DFFA: variants seen among roughly 807,000 people sequenced by gnomAD.
The protein encoded by DFFA is DNA fragmentation factor subunit alpha, also known as DFF45.
In DFFA, 14 loss-of-function variants were observed where a neutral mutation model predicts 28.0. That is an observed-to-expected ratio of 0.50 (90% confidence interval 0.33 to 0.78). The LOEUF is 0.78. Among genes scored for constraint, DFFA ranks in the 30% least tolerant of loss-of-function variants. The pLI, the probability that DFFA is intolerant of heterozygous loss-of-function variation, is 0.02. For synonymous variants in DFFA, 158 were observed against 170.3 expected (o/e 0.93, Z 0.56); for missense variants, 395 against 407.1 (o/e 0.97, Z 0.26).
In DFFA at chr1:10,458,679, C is replaced by CA. The variant is rs1640890040; in HGVS notation, c.*2810dup. On this transcript the variant is annotated 3_prime_UTR_variant, in exon 6 of 6. Transcript: ENST00000377038. ...TCAGCCTCCTGAGTAGCTGGGATTA[C>CA]AGGTGCCCACCATCACGCCTGGCTA... 1 of 151,894 alleles carries CA rather than the reference C, an allele frequency of 6.6e-6. No individual in the cohort carries two copies. Among genetic ancestry groups the CA allele is most frequent in the Non-Finnish European group, 1.5e-5 (1 of 68,024 alleles). 9.4% of individuals were successfully genotyped at this position (151,894 alleles called of 1,614,324 possible).
chr1:10,457,604 G>A lies in DFFA; in HGVS notation c.*3886C>T, dbSNP rs2124332694. ...GAGGCAAGAGAATCGCCTGAACCTG[G>A]GAGATGGAGGTTGCAGTGAGCAGAG... is the stretch of plus-strand genomic sequence containing the variant. On this transcript the variant is annotated 3_prime_UTR_variant, in exon 6 of 6. Coordinates refer to ENST00000377038, the MANE Select transcript of DFFA (RefSeq NM_004401.3). 1 of 152,306 alleles carries A rather than the reference G, an allele frequency of 6.6e-6. No homozygotes were observed. Among genetic ancestry groups the A allele is most frequent in the Middle Eastern group, 3.4e-3 (1 of 294 alleles). 9.4% of individuals were successfully genotyped at this position (152,306 alleles called of 1,614,324 possible).
intron 4 of DFFA, 55 bp downstream of exon 4, chr1:10,463,376 G>A (rs1246338622): frequency 6.4e-7 from 1 of 1,566,922 alleles, no homozygotes; most frequent in South Asian, 1.2e-5. Context: ...CCTCCCAAGG[G>A]ACGCCTCCAT....
intron 4 of DFFA, 36 bp downstream of exon 4, chr1:10,463,395 A>C: frequency 1.3e-6 from 2 of 1,583,770 alleles, no homozygotes; most frequent in Non-Finnish European, 1.7e-6. Flanking sequence ...ATCAGCCCTG[A>C]ATTCTCAGAG....
rs1417155658 is a variant in DFFA, at chr1:10,458,561, CAG to C, written c.*2927_*2928del. ...TTTCTTTTTTTTTTTTTTTTAAAGA[CAG>C]AGTCTCATTCTGTCACCCAGGCTGG... is the stretch of plus-strand genomic sequence containing the variant. On this transcript the variant is annotated 3_prime_UTR_variant, in exon 6 of 6. Transcript: ENST00000377038. 1.7e-5 allele frequency: 2 copies of C among 115,942 alleles called. No individual in the cohort carries two copies. Among genetic ancestry groups the C allele is most frequent in the African/African-American group, 3.3e-5 (1 of 30,366 alleles). 7.2% of individuals were successfully genotyped at this position (115,942 alleles called of 1,614,324 possible).
At chr1:10,464,284 G>T (rs1640992625) in intron 3 of DFFA, among the ~76,000 whole-genome samples, 1 of 151,632 alleles carries the variant, frequency 6.6e-6, no homozygotes, top group Non-Finnish European at 1.5e-5. Context: ...AGTAGAGACG[G>T]GGTTTCACCG....
chr1:10,466,363 G>A (rs754657773), intron 3 of DFFA, among the ~76,000 whole-genome samples: 38 of 151,918 alleles, frequency 2.5e-4, no homozygotes, highest in Middle Eastern at 3.4e-3. Context: ...CTAATTTTTT[G>A]TATTTTTAGT....
intron 2 of DFFA, among the ~76,000 whole-genome samples, chr1:10,468,806 T>G (rs1641055054): frequency 6.6e-6 from 1 of 151,558 alleles, no homozygotes; most frequent in South Asian, 2.1e-4. Flanking sequence ...TGGCACAATC[T>G]CAGCTCACTG....
In DFFA at chr1:10,459,862, G is replaced by A. The variant is rs1640903110; in HGVS notation, c.*1628C>T. ...CCAGAGTAGCTAGGATTATAGGTCAGTGCCACCATGCCTGGCTAACTTAAA... is the reference window on the plus strand; with the variant it reads ...CCAGAGTAGCTAGGATTATAGGTCAATGCCACCATGCCTGGCTAACTTAAA... On this transcript the variant is annotated 3_prime_UTR_variant, in exon 6 of 6. Transcript: ENST00000377038. 6.6e-6 allele frequency: 1 copy of A among 152,004 alleles called. No homozygotes were observed. Among genetic ancestry groups the A allele is most frequent in the African/African-American group, 2.4e-5 (1 of 41,408 alleles). 9.4% of individuals were successfully genotyped at this position (152,004 alleles called of 1,614,324 possible). A position where few individuals can be genotyped will look rare whatever the true frequency, so the allele number is the denominator to read the frequency against.
intron 5 of DFFA, 91 bp from the exon 6 acceptor site, chr1:10,461,793 C>T: frequency 6.5e-7 from 1 of 1,549,106 alleles, no homozygotes; most frequent in Non-Finnish European, 8.7e-7. Flanking sequence ...TGCAATGAGG[C>T]AGTATCCGTT....
At position 10,462,960 on chromosome 1, in the gene DFFA, G is replaced by C. The variant is rs576228613; in HGVS notation, c.783+98C>G. 9.2e-5 allele frequency: 144 copies of C among 1,571,914 alleles called. 3 individuals carry two copies. In the South Asian group the frequency reaches 1.6e-3, roughly 17 times the overall value. ...AACTGGCAGCTAGGATTCACAGTCTGCAGAGGTGAACAAAAGGGCCCACAC... is the reference window on the plus strand; with the variant it reads ...AACTGGCAGCTAGGATTCACAGTCTCCAGAGGTGAACAAAAGGGCCCACAC... On this transcript the variant is annotated intron_variant, in intron 5 of 5. Coordinates refer to ENST00000377038, the MANE Select transcript of DFFA (RefSeq NM_004401.3).
rs1302824867 is a variant in DFFA at position 10,459,858 on chromosome 1, G to A, written c.*1632C>T. ...GCCTCCAGAGTAGCTAGGATTATAG[G>A]TCAGTGCCACCATGCCTGGCTAACT... is the stretch of plus-strand genomic sequence containing the variant. On this transcript the variant is annotated 3_prime_UTR_variant, in exon 6 of 6. Transcript: ENST00000377038. 1 of 152,064 alleles carries A rather than the reference G, an allele frequency of 6.6e-6. No individual in the cohort carries two copies. Among genetic ancestry groups the A allele is most frequent in the Non-Finnish European group, 1.5e-5 (1 of 68,044 alleles). The allele number at this position is 152,064 out of a possible 1,614,324, so 9.4% of individuals were successfully genotyped here.
At position 10,472,490 on chromosome 1, in the gene DFFA, G is replaced by A. The variant is rs767766199; in HGVS notation, c.-32C>T. ...CAAGGTGGGACCTGCCCACCTTCGA[G>A]AAGTCGCGGGAGGCCGGAGCGGCGG... On this transcript the variant is annotated 5_prime_UTR_variant, in exon 1 of 6. Coordinates refer to ENST00000377038, the MANE Select transcript of DFFA (RefSeq NM_004401.3). The surrounding 1 kb of genome is among the most constrained non-coding windows in gnomAD (Gnocchi z 5.0). The A allele has an allele frequency of 1.3e-6, 2 of 1,562,068 alleles. No individual in the cohort carries two copies. The highest frequency in any genetic ancestry group is 1.7e-6 in the Non-Finnish European group (2 of 1,148,022).
At chr1:10,466,952 C>CAAAAAAAAAAAAA (rs34597195) in intron 3 of DFFA, among the ~76,000 whole-genome samples, 13 of 32,740 alleles carry the variant, frequency 4.0e-4, no homozygotes, top group African/African-American at 9.6e-4. Flanking sequence ...GACTGTGTCT[C>CAAAAAAAAAAAAA]AAAAAAAAAA....
chr1:10,468,105 A>G (rs1641047022), intron 2 of DFFA, among the ~76,000 whole-genome samples: 1 of 146,540 alleles, frequency 6.8e-6, no homozygotes. Context: ...GACTTCCTCA[A>G]TTTTGTGGCA....
chr1:10,467,340 A>G lies in DFFA; in HGVS notation c.299-8T>C. The G allele has an allele frequency of 1.3e-5, 21 of 1,614,094 alleles. No individual in the cohort carries two copies. Among genetic ancestry groups the G allele is most frequent in the Non-Finnish European group, 1.8e-5 (21 of 1,180,012 alleles). The stretch of plus-strand genomic sequence containing the variant: ...TCCAAGCTGTACCTCCATCTGACAC[A>G]TGGGAGAAAATGCCAGTCACAGAAC... On this transcript the variant is annotated splice_region_variant and splice_polypyrimidine_tract_variant and intron_variant, in intron 2 of 5. Transcript: ENST00000377038.
intron 1 of DFFA, among the ~76,000 whole-genome samples, chr1:10,470,957 G>C (rs1335123940): frequency 2.0e-5 from 3 of 150,222 alleles, no homozygotes; most frequent in Non-Finnish European, 4.4e-5. Context: ...CAGCTACTCG[G>C]GAGGCTGAAG....
chr1:10,469,156 T>C, intron 2 of DFFA, 21 bp downstream of exon 2: 2 of 1,613,336 alleles, frequency 1.2e-6, no homozygotes, highest in Non-Finnish European at 1.7e-6. Context: ...GGCCGTTTTA[T>C]ACATGGCTAG....
chr1:10,456,908 A>G lies in DFFA; in HGVS notation c.*4582T>C, dbSNP rs890406735. ...CGTATTGCTGCGCTCCTATGTGTCT[A>G]TTCTACAAGGCTGGAGGCACAGTGG... On this transcript the variant is annotated 3_prime_UTR_variant, in exon 6 of 6. Coordinates refer to ENST00000377038, the MANE Select transcript of DFFA (RefSeq NM_004401.3). 3 of 152,156 alleles carry G rather than the reference A, an allele frequency of 2.0e-5. No homozygotes were observed. The highest frequency in any genetic ancestry group is 4.8e-5 in the African/African-American group (2 of 41,424). 9.4% of individuals were successfully genotyped at this position (152,156 alleles called of 1,614,324 possible). A position where few individuals can be genotyped will look rare whatever the true frequency, so the allele number is the denominator to read the frequency against.
rs946411279 is a variant in DFFA at position 10,469,230 on chromosome 1, T to C, written c.245A>G (p.Asn82Ser). 5.0e-6 allele frequency: 8 copies of C among 1,614,070 alleles called. No individual in the cohort carries two copies. Among genetic ancestry groups the C allele is most frequent in the South Asian group, 1.1e-5 (1 of 91,078 alleles). Reference sequence around the variant, plus strand: ...ACTAGCCAATGCCACAAACTTAGTATTGGAAGGTAGACACAGAAAGTAATC... The same window carrying C: ...ACTAGCCAATGCCACAAACTTAGTACTGGAAGGTAGACACAGAAAGTAATC... ...DDDYFLCLPS[N>S]TKFVALASNE... is the part of the protein sequence containing the mutation. The change falls in exon 2 of 6, where the codon AAT becomes AGT. Residue 82 changes from asparagine (N) to serine (S), a missense_variant. Physicochemically the swap from Asn to Ser is conservative, Grantham distance 46. Transcript: ENST00000377038.
Sources: gnomAD v4.1 joint callset for allele counts (sites outside exome capture counted in the v4.1 genomes callset) on GRCh38, gnomAD v4.1.1 for gene constraint, Gnocchi (gnomAD v3.1) non-coding constraint, MANE v1.5 for transcripts, NCBI Gene and HGNC (gene_info 2026-07-23, HGNC 2026-07-21) for gene names.